The following ARL10 variants were observed in gnomAD, a reference collection of about 807,000 sequenced individuals.
ARL10 encodes the protein ADP-ribosylation factor-like protein 10.
In ARL10, 23 loss-of-function variants were observed where a neutral mutation model predicts 26.1. That is an observed-to-expected ratio of 0.88 (90% CI 0.63 to 1.25). The LOEUF is 1.25. Ranked by LOEUF, ARL10 falls within the 50% of genes most tolerant of loss-of-function variation. The pLI is 0.00. For missense variants in ARL10, 300 were observed against 323.6 expected, an observed-to-expected ratio of 0.93 and a Z score of 0.56; for synonymous variants, 138 against 149.1, an observed-to-expected ratio of 0.93 and a Z score of 0.54.
chr5:176,409,759 T>A, the ARL10 span, among the ~76,000 whole-genome samples: 1 of 152,218 alleles, frequency 6.6e-6, no homozygotes, highest in African/African-American at 2.4e-5. Context: ...ATCTATCTAT[T>A]CAGTTCCCTG....
downstream of ARL10, among the ~76,000 whole-genome samples, chr5:176,383,153 C>CTG (rs148823872): frequency 3.6e-3 from 549 of 152,310 alleles, 4 homozygotes; most frequent in Non-Finnish European, 4.9e-3. Context: ...ACCTTATAGC[C>CTG]TGTTTCTCTA....
downstream of ARL10, chr5:176,392,885 C>G (rs780835708): frequency 2.5e-6 from 4 of 1,614,236 alleles, no homozygotes; most frequent in Admixed American, 6.7e-5. This position sits in a 1 kb window ranked among gnomAD's most constrained non-coding sequence, Gnocchi z 5.2. Context: ...GGGCCACCTT[C>G]TCCCACTCTG....
At chr5:176,389,168 T>G (rs567447069), downstream of ARL10, among the ~76,000 whole-genome samples, 5 of 151,982 alleles carry the variant, frequency 3.3e-5, no homozygotes, top group Non-Finnish European at 5.9e-5. Flanking sequence ...GGGCCTAAGA[T>G]TGGGAGGACT....
downstream of ARL10, chr5:176,385,268 T>C (rs1490053833): frequency 6.2e-7 from 1 of 1,613,274 alleles, no homozygotes; most frequent in Non-Finnish European, 8.5e-7. Flanking sequence ...ACATAGTCAA[T>C]GAGGTCCCGA....
downstream of ARL10, chr5:176,383,813 G>A (rs933232081): frequency 1.3e-5 from 8 of 637,568 alleles, no homozygotes; most frequent in African/African-American, 5.5e-5. Flanking sequence ...GCCAGAGGCC[G>A]TGCCTAGAAG....
downstream of ARL10, chr5:176,384,289 G>T (rs751121017): frequency 6.2e-7 from 1 of 1,614,206 alleles, no homozygotes; most frequent in South Asian, 1.1e-5. Flanking sequence ...CCACTCTGCT[G>T]GGTAAAAGCG....
chr5:176,396,554 A>C (rs753694498), intron 1 of ARL10: 1 of 1,606,006 alleles, frequency 6.2e-7, no homozygotes, highest in African/African-American at 1.3e-5. Flanking sequence ...GGTTGAGGGA[A>C]GGGGTTAGGT....
intron 1 of ARL10, among the ~76,000 whole-genome samples, chr5:176,399,614 C>T (rs1189755643): frequency 6.6e-6 from 1 of 152,098 alleles, no homozygotes; most frequent in Non-Finnish European, 1.5e-5. Context: ...GAAAAAAAGG[C>T]CAGGCACGGT....
chr5:176,399,888 A>G (rs927016371), intron 1 of ARL10, among the ~76,000 whole-genome samples: 1 of 149,676 alleles, frequency 6.7e-6, no homozygotes, highest in African/African-American at 2.5e-5. Flanking sequence ...AAAAAAAAAA[A>G]AAAGAAAGAA....
rs1413684155 is a variant in ARL10 at position 176,393,954 on chromosome 5, G to A, written c.134-7787G>A. Among the ~76,000 whole-genome samples the A allele has an allele frequency of 1.3e-5, 2 of 152,298 alleles. No homozygotes were observed. Among genetic ancestry groups the A allele is most frequent in the African/African-American group, 2.4e-5 (1 of 41,570 alleles). ...CATCTCAAGCAGGACCAGTTCTGCC[G>A]ATGCCAGACATGACTGATGGCAGGA... On this transcript the variant is annotated intron_variant, in intron 1 of 1. Coordinates refer to the ARL10 transcript ENST00000514533. The surrounding 1 kb of genome is among the most constrained non-coding windows in gnomAD (Gnocchi z 4.4).
chr5:176,384,871 C>A, downstream of ARL10: 1 of 495,770 alleles, frequency 2.0e-6, no homozygotes, highest in Non-Finnish European at 3.6e-6. Context: ...CCTACTTGGG[C>A]CCAGGGGTCC....
chr5:176,399,134 G>A (rs78849357), intron 1 of ARL10, among the ~76,000 whole-genome samples: 2 of 152,042 alleles, frequency 1.3e-5, no homozygotes, highest in African/African-American at 2.4e-5. Context: ...TTGAGCCACC[G>A]TGACCAGCCC....
At chr5:176,392,758 TGCACCTAGCAG>T (rs989929808), downstream of ARL10, 31 of 1,613,120 alleles carry the variant, frequency 1.9e-5, no homozygotes, top group African/African-American at 2.7e-5. This position sits in a 1 kb window ranked among gnomAD's most constrained non-coding sequence, Gnocchi z 5.2. Flanking sequence ...TCTGTGGCCA[TGCACCTAGCAG>T]GCACCTAGCG....
At chr5:176,412,079 G>C in the ARL10 span, among the ~76,000 whole-genome samples, 1 of 151,864 alleles carries the variant, frequency 6.6e-6, no homozygotes, top group African/African-American at 2.4e-5. Flanking sequence ...GGGAGGCTGA[G>C]GCAGGAGAAT....
rs1389684843 is a variant in ARL10 at position 176,373,920 on chromosome 5, G to GA, written c.*2031dup. 2 of 152,324 alleles carry GA rather than the reference G, an allele frequency of 1.3e-5. No individual in the cohort carries two copies. The highest frequency in any genetic ancestry group is 3.9e-4 in the East Asian group (2 of 5,182). 9.4% of individuals were successfully genotyped at this position (152,324 alleles called of 1,614,324 possible). On this transcript the variant is annotated 3_prime_UTR_variant, in exon 4 of 4. Coordinates refer to ENST00000310389, the MANE Select transcript of ARL10 (RefSeq NM_173664.6). ...AAAAAGTATGTTCTGTTTTTGAGCA[G>GA]AAAAAAGATTCGTGAACTGGTTAGT...
At chr5:176,383,914 G>A, downstream of ARL10, 1 of 1,443,828 alleles carries the variant, frequency 6.9e-7, no homozygotes, top group Non-Finnish European at 9.1e-7. Flanking sequence ...GGGTTTGGCT[G>A]AGAGCAGAAA....
downstream of ARL10, chr5:176,401,961 A>G (rs1756841237): frequency 8.8e-6 from 3 of 340,166 alleles, no homozygotes; most frequent in African/African-American, 2.2e-5. Flanking sequence ...AAAATGCCCG[A>G]ATGACCTATT....
chr5:176,388,526 T>C, exon 2 of ARL10: 2 of 1,612,386 alleles, frequency 1.2e-6, no homozygotes, highest in Non-Finnish European at 1.7e-6. Context: ...GGTTTTGCCC[T>C]TGGCCTTGGG....
At position 176,373,053 on chromosome 5, in the gene ARL10, AGGATGTTGAAAG is replaced by A; in HGVS notation, c.*1161_*1172del. On this transcript the variant is annotated 3_prime_UTR_variant, in exon 4 of 4. Transcript: ENST00000310389. Reference sequence around the variant, plus strand: ...GAACTGAAACGCCACCACTTGGCCCAGGATGTTGAAAGGGTGCAAATTCCTTCTGGGTAGATA... The same window carrying A: ...GAACTGAAACGCCACCACTTGGCCCAGGTGCAAATTCCTTCTGGGTAGATA... The A allele has an allele frequency of 2.5e-6, 1 of 398,640 alleles. No individual in the cohort carries two copies. The highest frequency in any genetic ancestry group is 4.4e-6 in the Non-Finnish European group (1 of 226,062). The allele number at this position is 398,640 out of a possible 1,614,324, so 24.7% of individuals were successfully genotyped here.
Sources: gnomAD v4.1 joint callset for allele counts (sites outside exome capture counted in the v4.1 genomes callset) on GRCh38, gnomAD v4.1.1 for gene constraint, Gnocchi (gnomAD v3.1) non-coding constraint, MANE v1.5 for transcripts, NCBI Gene and HGNC (gene_info 2026-07-23, HGNC 2026-07-21) for gene names.